The following RNF13 variants were observed in gnomAD, a reference collection of about 807,000 sequenced individuals.
RNF13 encodes ring finger protein 13, also known as E3 ubiquitin-protein ligase RNF13.
A neutral mutation model predicts 37.7 loss-of-function variants in RNF13; 19 were observed. The ratio of observed to expected loss-of-function variants is 0.50; its 90% CI spans 0.35 to 0.74. The LOEUF is 0.74. Ranked by LOEUF, RNF13 falls within the 30% of genes least tolerant of loss-of-function variation. The pLI is 0.01. For missense variants in RNF13, 375 were observed against 453.0 expected, an observed-to-expected ratio of 0.83 and a Z score of 1.56; for synonymous variants, 144 against 157.8, an observed-to-expected ratio of 0.91 and a Z score of 0.65.
At chr3:149,905,999 T>A (rs183660106) in intron 6 of RNF13, among the ~76,000 whole-genome samples, 23 of 152,336 alleles carry the variant, frequency 1.5e-4, no homozygotes, top group African/African-American at 5.5e-4. Context: ...CCAGTCCTTC[T>A]TCGTCCACTC....
At chr3:149,845,571 G>C (rs1376547844) in intron 1 of RNF13, among the ~76,000 whole-genome samples, 3 of 152,118 alleles carry the variant, frequency 2.0e-5, no homozygotes, top group African/African-American at 7.2e-5. Flanking sequence ...AATAGCAAAT[G>C]AAAAGTAAAT....
At chr3:149,853,925 C>A (rs1164641236) in intron 3 of RNF13, among the ~76,000 whole-genome samples, 1 of 150,774 alleles carries the variant, frequency 6.6e-6, no homozygotes, top group African/African-American at 2.4e-5. Context: ...CAACGTCCGC[C>A]TTCTGGGCTC....
At chr3:149,834,247 AG>A (rs1393672074) in intron 1 of RNF13, among the ~76,000 whole-genome samples, 1 of 152,232 alleles carries the variant, frequency 6.6e-6, no homozygotes, top group African/African-American at 2.4e-5. Flanking sequence ...TTGCAGAAAT[AG>A]GAAAATCTAT....
At chr3:149,935,693 C>T (rs189131279) in intron 8 of RNF13, among the ~76,000 whole-genome samples, 29 of 152,286 alleles carry the variant, frequency 1.9e-4, no homozygotes, top group Middle Eastern at 6.8e-3. Context: ...CACATTTTGA[C>T]CTCTTGTTGA....
chr3:149,818,760 A>T (rs948567971), intron 1 of RNF13, among the ~76,000 whole-genome samples: 7 of 151,998 alleles, frequency 4.6e-5, no homozygotes, highest in African/African-American at 1.7e-4. Context: ...AAAATACAGA[A>T]ATTAGCCAGA....
At chr3:149,928,339 T>C (rs1443718547) in intron 8 of RNF13, among the ~76,000 whole-genome samples, 14 of 152,130 alleles carry the variant, frequency 9.2e-5, no homozygotes. Flanking sequence ...TAGAGTTGAT[T>C]TTCATATATA....
chr3:149,945,026 A>G (rs1057419412), intron 8 of RNF13, among the ~76,000 whole-genome samples: 1 of 152,128 alleles, frequency 6.6e-6, no homozygotes, highest in Non-Finnish European at 1.5e-5. Context: ...CTTTCCACAT[A>G]TGGCTAGCCA....
intron 1 of RNF13, among the ~76,000 whole-genome samples, chr3:149,824,499 C>T (rs1216047633): frequency 6.6e-6 from 1 of 152,138 alleles, no homozygotes; most frequent in African/African-American, 2.4e-5. Flanking sequence ...GGCTACAAGC[C>T]AAGGATGTTG....
intron 7 of RNF13, among the ~76,000 whole-genome samples, chr3:149,919,868 A>T (rs1276146438): frequency 6.6e-6 from 1 of 152,232 alleles, no homozygotes; most frequent in Non-Finnish European, 1.5e-5. Context: ...CAGAAAGTGT[A>T]TGAGAGTGCC....
chr3:149,938,455 G>A (rs1021237902), intron 8 of RNF13, among the ~76,000 whole-genome samples: 6 of 150,844 alleles, frequency 4.0e-5, no homozygotes, highest in Non-Finnish European at 5.9e-5. Context: ...TTACAGGTAT[G>A]AGCCACCGTG....
At chr3:149,949,342 G>A (rs563786042) in intron 8 of RNF13, among the ~76,000 whole-genome samples, 4 of 151,306 alleles carry the variant, frequency 2.6e-5, no homozygotes, top group South Asian at 2.1e-4. Context: ...CTTTTCTTTC[G>A]AATACATCAT....
At chr3:149,852,273 A>C (rs1483667263) in intron 2 of RNF13, among the ~76,000 whole-genome samples, 1 of 152,244 alleles carries the variant, frequency 6.6e-6, no homozygotes, top group Non-Finnish European at 1.5e-5. Context: ...AGTAGGCTGA[A>C]TTAGTGTTGC....
chr3:149,911,876 T>C, intron 6 of RNF13, 102 bp from the exon 7 acceptor site: 1 of 668,342 alleles, frequency 1.5e-6, no homozygotes, highest in East Asian at 2.7e-5. Context: ...TTAATTGTAA[T>C]GTCTATATGT....
At chr3:149,846,203 C>A in intron 2 of RNF13, 63 bp downstream of exon 2, 1 of 1,078,922 alleles carries the variant, frequency 9.3e-7, no homozygotes, top group Non-Finnish European at 1.4e-6. Flanking sequence ...TAAAAAAAGC[C>A]TGGAATGATA....
intron 8 of RNF13, among the ~76,000 whole-genome samples, chr3:149,935,054 T>C (rs1256972102): frequency 6.6e-6 from 1 of 152,228 alleles, no homozygotes; most frequent in Non-Finnish European, 1.5e-5. Context: ...CTGGGGAATG[T>C]TCCATGTGCT....
intron 3 of RNF13, among the ~76,000 whole-genome samples, chr3:149,867,455 A>G (rs1300234542): frequency 2.0e-5 from 3 of 151,190 alleles, no homozygotes; most frequent in Admixed American, 6.6e-5. Context: ...TTTAGTAGAG[A>G]TGGGGTTTCA....
intron 5 of RNF13, among the ~76,000 whole-genome samples, chr3:149,901,723 T>C (rs1213109640): frequency 6.6e-6 from 1 of 152,218 alleles, no homozygotes; most frequent in Admixed American, 6.5e-5. Flanking sequence ...AATTAAGTTA[T>C]GTGTGGGAAG....
At chr3:149,821,375 G>T (rs1576710134) in intron 1 of RNF13, among the ~76,000 whole-genome samples, 1 of 152,064 alleles carries the variant, frequency 6.6e-6, no homozygotes, top group Non-Finnish European at 1.5e-5. Flanking sequence ...GGTATGAAGT[G>T]GTATCTCACT....
intron 3 of RNF13, among the ~76,000 whole-genome samples, chr3:149,864,269 C>T (rs1339627454): frequency 1.3e-5 from 2 of 151,856 alleles, no homozygotes; most frequent in Non-Finnish European, 2.9e-5. Flanking sequence ...TGGCCCCTCT[C>T]TTCTCCTCTT....
Sources: gnomAD v4.1 joint callset for allele counts (sites outside exome capture counted in the v4.1 genomes callset) on GRCh38, gnomAD v4.1.1 for gene constraint, MANE v1.5 for transcripts, NCBI Gene and HGNC (gene_info 2026-07-23, HGNC 2026-07-21) for gene names.